Variants in PIEZO1 observed in about 807,000 individuals in gnomAD.
The protein encoded by PIEZO1 is piezo-type mechanosensitive ion channel component 1.
In PIEZO1, 296 loss-of-function variants were observed where a neutral mutation model predicts 297.2. The observed-to-expected ratio is 1.00, with a 90% CI of 0.91 to 1.10. The LOEUF (loss-of-function observed/expected upper bound fraction) is 1.10. Ranked by LOEUF, PIEZO1 falls within the 50% of genes least tolerant of loss-of-function variation. PIEZO1 has a pLI of 0.00. For missense variants in PIEZO1, 5,018 were observed against 3,455.5 expected, an observed-to-expected ratio of 1.45 and a Z score of -11.34; for synonymous variants, 2,427 against 1,507.5, an observed-to-expected ratio of 1.61 and a Z score of -14.13.
Position 88,721,301 on chromosome 16 carries a change from C to T in PIEZO1, c.5533G>A (p.Glu1845Lys). Residue 1845 changes from glutamate (E) to lysine (K), a missense_variant, in exon 39 of 51, where the codon GAA (glutamate) becomes AAA (lysine). Transcript: ENST00000301015. ...CCGTCCGTGGGTCCGACCCTGGCTT[C>T]CACCTGAATGTGGTCTTCGGTGGTG... ...AATTEDHIQV[E>K]ARVGPTDGTP... is the part of the protein sequence containing the mutation. 1 of 1,545,894 alleles carries T rather than the reference C, an allele frequency of 6.5e-7. No individual in the cohort carries two copies. Among genetic ancestry groups the T allele is most frequent in the Non-Finnish European group, 8.7e-7 (1 of 1,146,706 alleles).
At position 88,731,886 on chromosome 16, in the gene PIEZO1, C is replaced by CGTT; in HGVS notation, c.3013_3015dup (p.Asn1005dup). 1 of 594,906 alleles carries CGTT rather than the reference C, an allele frequency of 1.7e-6. No individual in the cohort carries two copies. Among genetic ancestry groups the CGTT allele is most frequent in the Non-Finnish European group, 2.0e-6 (1 of 488,460 alleles). The allele number at this position is 594,906 out of a possible 1,614,324, so 36.9% of individuals were successfully genotyped here. On this transcript the variant is annotated inframe_insertion, in exon 22 of 51. Coordinates refer to ENST00000301015, the MANE Select transcript of PIEZO1 (RefSeq NM_001142864.4). The stretch of plus-strand genomic sequence containing the variant: ...AGAAAGTTCATGCGCTGCCCGATCA[C>CGTT]GTTCACGGCCATCAGGAAGCAGATC...
At chr16:88,755,535 C>T (rs968394664) in intron 1 of PIEZO1, among the ~76,000 whole-genome samples, 5 of 152,246 alleles carry the variant, frequency 3.3e-5, no homozygotes, top group African/African-American at 1.2e-4. Context: ...GTTCAGAGCT[C>T]TACCTGCCTG....
At chr16:88,740,643 G>A (rs1597463865) in intron 5 of PIEZO1, 1 of 152,390 alleles carries the variant, frequency 6.6e-6, no homozygotes, top group African/African-American at 2.4e-5. Context: ...CTGAGCAGGT[G>A]TACTCGACCT....
chr16:88,716,908 G>A lies in PIEZO1; in HGVS notation c.6661-10C>T, dbSNP rs1057501294. 4.5e-6 allele frequency: 7 copies of A among 1,549,280 alleles called. No individual in the cohort carries two copies. The highest frequency in any genetic ancestry group is 1.4e-5 in the African/African-American group (1 of 73,054). On this transcript the variant is annotated splice_polypyrimidine_tract_variant and intron_variant, in intron 45 of 50. Coordinates refer to ENST00000301015, the MANE Select transcript of PIEZO1 (RefSeq NM_001142864.4). The stretch of plus-strand genomic sequence containing the variant: ...TCATGGTGAACAGCGGCTGGGGCAG[G>A]CACGGGGACACGGGGCCACGAAGAT...
chr16:88,783,401 T>C (rs1908023794), intron 1 of PIEZO1, among the ~76,000 whole-genome samples: 2 of 152,210 alleles, frequency 1.3e-5, no homozygotes, highest in African/African-American at 2.4e-5. Flanking sequence ...AAGAAAAACA[T>C]TGCCAACTCT....
rs767807051 is a variant in PIEZO1 at position 88,716,808 on chromosome 16, G to A, written c.6751C>T (p.Pro2251Ser). The A allele has an allele frequency of 3.5e-4, 543 of 1,549,860 alleles. No individual in the cohort carries two copies. The highest frequency in any genetic ancestry group is 4.4e-4 in the Non-Finnish European group (510 of 1,146,950). The change falls in exon 46 of 51, where the codon CCG (proline) becomes TCG (serine). Residue 2251 changes from proline (P) to serine (S), a missense_variant and splice_region_variant. By Grantham distance (74) the Pro-to-Ser change is moderately conservative. Transcript: ENST00000301015. ...TTCACAGGGCAGAGGCCACTTACCG[G>A]CTGGGGGTCAAACTGCCGGGACAGC... ...EELSRQFDPQPLAMQFISQYS... is the reference protein window; with the variant it reads ...EELSRQFDPQSLAMQFISQYS...
At chr16:88,756,352 C>A (rs1906654026) in intron 1 of PIEZO1, among the ~76,000 whole-genome samples, 1 of 152,296 alleles carries the variant, frequency 6.6e-6, no homozygotes, top group South Asian at 2.1e-4. Flanking sequence ...GGACTCTGGA[C>A]CCCACAATGG....
chr16:88,749,579 C>T, intron 1 of PIEZO1, 100 bp from the exon 2 acceptor site: 1 of 904,410 alleles, frequency 1.1e-6, no homozygotes, highest in East Asian at 3.0e-5. Context: ...ACCGCCGAGG[C>T]CGTGTGCCCT....
rs1312128624 is a variant in PIEZO1 at position 88,733,719 on chromosome 16, C to A, written c.2356G>T (p.Glu786Ter). The A allele has an allele frequency of 1.3e-6, 2 of 1,547,484 alleles. No individual in the cohort carries two copies. Among genetic ancestry groups the A allele is most frequent in the Non-Finnish European group, 1.7e-6 (2 of 1,145,382 alleles). The change falls in exon 18 of 51, where the codon GAG (glutamate) becomes TAG (stop). Residue 786 changes from glutamate (E) to a stop codon, truncating the protein, a stop_gained. Coordinates refer to ENST00000301015, the MANE Select transcript of PIEZO1 (RefSeq NM_001142864.4). LOFTEE classifies it high-confidence loss of function. ...EGAAKWGLVAERLLELAAGFS... is the reference protein window; with the variant it reads ...EGAAKWGLVA ...CCGGCTGCCAGCTCCAGCAGCCGCT[C>A]AGCCACCAGGCCCCACTTGGCTGCC...
Position 88,715,752 on chromosome 16 carries a change from G to C in PIEZO1, c.7419C>G (p.Cys2473Trp), listed in dbSNP as rs753320868. The change falls in exon 51 of 51, where the codon TGC becomes TGG. Residue 2473 changes from cysteine (C) to tryptophan (W), a missense_variant. Coordinates refer to ENST00000301015, the MANE Select transcript of PIEZO1 (RefSeq NM_001142864.4). ...GGCAGAGCTTGAGGATGCGGTCCAC[G>C]CACGGCAGCTCCTCGAACATAATGG... ...SHSIMFEELP[C>W]VDRILKLCQD... 2 of 1,550,334 alleles carry C rather than the reference G, an allele frequency of 1.3e-6. No homozygotes were observed. Among genetic ancestry groups the C allele is most frequent in the Non-Finnish European group, 1.7e-6 (2 of 1,146,988 alleles).
intron 21 of PIEZO1, 116 bp from the exon 22 acceptor site, chr16:88,732,026 C>T (rs1013624205): frequency 3.7e-5 from 1 of 27,194 alleles, no homozygotes; most frequent in South Asian, 8.7e-4. Context: ...CTGCGGGCAT[C>T]AAGCAAGGAC....
chr16:88,762,667 G>A (rs189501147), intron 1 of PIEZO1, among the ~76,000 whole-genome samples: 1 of 152,210 alleles, frequency 6.6e-6, no homozygotes, highest in Non-Finnish European at 1.5e-5. Flanking sequence ...CAAGTGCTGT[G>A]TCGGCCCTGA....
At position 88,760,333 on chromosome 16, in the gene PIEZO1, G is replaced by A. The variant is rs182985720; in HGVS notation, c.65-10854C>T. Reference sequence around the variant, plus strand: ...CCCCTCTTCCTGCCTCATGGACAAAGAAGAGTTGAGAGAAACTCAAGAAAA... The same window carrying A: ...CCCCTCTTCCTGCCTCATGGACAAAAAAGAGTTGAGAGAAACTCAAGAAAA... On this transcript the variant is annotated intron_variant, in intron 1 of 50. Transcript: ENST00000301015. Among the ~76,000 whole-genome samples, 754 of 152,320 alleles carry A rather than the reference G, an allele frequency of 5.0e-3. 1 individual carries two copies. Among genetic ancestry groups the A allele is most frequent in the Middle Eastern group, 0.01 (3 of 294 alleles).
intron 39 of PIEZO1, 74 bp downstream of exon 39, chr16:88,721,092 A>G: frequency 7.2e-7 from 1 of 1,387,278 alleles, no homozygotes; most frequent in Non-Finnish European, 9.5e-7. Context: ...GTCTCATCTG[A>G]GAAAGACCCT....
chr16:88,769,344 C>G (rs567705048), intron 1 of PIEZO1, among the ~76,000 whole-genome samples: 68 of 152,334 alleles, frequency 4.5e-4, no homozygotes, highest in South Asian at 1.2e-3. Context: ...GAGGCCACCA[C>G]GCCCAGAGCA....
intron 31 of PIEZO1, 123 bp from the exon 32 acceptor site, chr16:88,723,451 G>T: frequency 8.9e-7 from 1 of 1,128,470 alleles, no homozygotes; most frequent in Non-Finnish European, 1.3e-6. Flanking sequence ...AGGGACCTCC[G>T]TGTCCCTGAG....
Position 88,724,903 on chromosome 16 carries a change from G to A in PIEZO1, c.4234+106C>T, listed in dbSNP as rs556610367. 83 of 725,602 alleles carry A rather than the reference G, an allele frequency of 1.1e-4. No individual in the cohort carries two copies. In the East Asian group the frequency reaches 2.7e-3, roughly 24 times the overall value. 44.9% of individuals were successfully genotyped at this position (725,602 alleles called of 1,614,324 possible). ...GCCTGAGCACGTCCTGACGCTCAGG[G>A]CCTGGGAGTCGGGGGAAGGGAGGGG... is the stretch of plus-strand genomic sequence containing the variant. On this transcript the variant is annotated intron_variant, in intron 30 of 50. Transcript: ENST00000301015.
In PIEZO1 at chr16:88,736,711, C is replaced by T. The variant is rs1464476900; in HGVS notation, c.1224G>A (p.Glu408=). ...PVRPKRAEPR[E]ASPLHSLGHL... ...GGCCCAGGCTGTGGAGCGGAGACGCCTCCCTGGGCTCAGCCCGCTTGGGCC... is the reference window on the plus strand; with the variant it reads ...GGCCCAGGCTGTGGAGCGGAGACGCTTCCCTGGGCTCAGCCCGCTTGGGCC... The change falls in exon 11 of 51, where the codon GAG becomes GAA. Residue 408 remains glutamate (E), a synonymous_variant. Coordinates refer to ENST00000301015, the MANE Select transcript of PIEZO1 (RefSeq NM_001142864.4). The T allele has an allele frequency of 1.3e-6, 2 of 1,532,638 alleles. No homozygotes were observed. Among genetic ancestry groups the T allele is most frequent in the East Asian group, 2.5e-5 (1 of 40,812 alleles). 94.9% of individuals were successfully genotyped at this position (1,532,638 alleles called of 1,614,324 possible). A position where few individuals can be genotyped will look rare whatever the true frequency, so the allele number is the denominator to read the frequency against.
chr16:88,738,475 C>A (rs1201756091), intron 6 of PIEZO1, 35 bp from the exon 7 acceptor site: 1 of 1,531,796 alleles, frequency 6.5e-7, no homozygotes, highest in South Asian at 1.2e-5. Flanking sequence ...GGTACCTGGC[C>A]AGTGCCATGT....
Sources: allele counts gnomAD v4.1 joint callset (sites outside exome capture counted in the v4.1 genomes callset), GRCh38; gene constraint gnomAD v4.1.1; transcripts MANE v1.5; gene names NCBI Gene and HGNC (gene_info 2026-07-23, HGNC 2026-07-21).